Variants in SH3PXD2A observed in about 807,000 individuals in gnomAD.
SH3PXD2A encodes SH3 and PX domains 2A, also known as SH3 and PX domain-containing protein 2A.
A neutral mutation model predicts 115.2 loss-of-function variants in SH3PXD2A; 32 were observed. The ratio of observed to expected loss-of-function variants is 0.28; its 90% CI spans 0.21 to 0.37. The LOEUF (loss-of-function observed/expected upper bound fraction) is 0.37. Among genes scored for constraint, SH3PXD2A ranks in the 10% least tolerant of loss-of-function variants. SH3PXD2A has a pLI of 1.00. For synonymous variants in SH3PXD2A, 610 were observed against 629.1 expected (o/e 0.97, Z 0.45); for missense variants, 1,328 against 1,498.7 (o/e 0.89, Z 1.88).
intron 8 of SH3PXD2A, among the ~76,000 whole-genome samples, chr10:103,640,925 G>C (rs561912812): frequency 6.6e-6 from 1 of 152,218 alleles, no homozygotes; most frequent in East Asian, 1.9e-4. Context: ...GGGCTACAGG[G>C]AAGCACTGAC....
rs2036253957 is a variant in SH3PXD2A, at chr10:103,603,583, C to G, written c.1635G>C (p.Gln545His). 6.2e-7 allele frequency: 1 copy of G among 1,608,334 alleles called. No individual in the cohort carries two copies. The highest frequency in any genetic ancestry group is 1.3e-5 in the African/African-American group (1 of 74,794). Residue 545 changes from glutamine to histidine, a missense_variant, in exon 15 of 15, where the codon CAG becomes CAC. Around this residue, in one of 5 missense-constraint regions of SH3PXD2A, gnomAD observed 509 missense variants for 628.3 expected, o/e 0.81. Transcript: ENST00000369774. ...CATACTTGAGCTTCCGCGGGGAGTC[C>G]TGGCTCTCACTGGCCCCCGTAGGGC... ...EEGPTGASES[Q>H]DSPRKLKYEE...
intron 1 of SH3PXD2A, among the ~76,000 whole-genome samples, chr10:103,810,948 G>GCA (rs1459501583): frequency 0.023 from 99 of 4,266 alleles, no homozygotes; most frequent in African/African-American, 0.07. Context: ...ACAGGCGCGC[G>GCA]CGCGCACACA....
intron 9 of SH3PXD2A, among the ~76,000 whole-genome samples, chr10:103,626,046 T>TGAA: frequency 6.6e-6 from 1 of 152,348 alleles, no homozygotes; most frequent in East Asian, 1.9e-4. Flanking sequence ...GCCCCAGGGC[T>TGAA]CAGGGAGCAG....
intron 3 of SH3PXD2A, among the ~76,000 whole-genome samples, chr10:103,766,858 CAG>C (rs529666588): frequency 9.4e-4 from 143 of 152,324 alleles, no homozygotes; most frequent in African/African-American, 2.8e-3. Context: ...AGAAACTCCT[CAG>C]AAGCTACAGG....
At chr10:103,681,264 C>T (rs574519728) in intron 6 of SH3PXD2A, among the ~76,000 whole-genome samples, 4 of 152,192 alleles carry the variant, frequency 2.6e-5, no homozygotes, top group Non-Finnish European at 4.4e-5. Flanking sequence ...TTCCTGCCCC[C>T]GTAGCCCACC....
chr10:103,830,722 A>G (rs182852487), intron 1 of SH3PXD2A, among the ~76,000 whole-genome samples: 2 of 152,320 alleles, frequency 1.3e-5, no homozygotes, highest in East Asian at 3.9e-4. Flanking sequence ...GTAAAAAGGG[A>G]GATTACCAAA....
At chr10:103,700,834 GA>G (rs2037884431) in intron 5 of SH3PXD2A, among the ~76,000 whole-genome samples, 1 of 152,186 alleles carries the variant, frequency 6.6e-6, no homozygotes, top group Non-Finnish European at 1.5e-5. Context: ...GGAACCATGG[GA>G]GGGGGAGTGA....
At chr10:103,804,117 T>G (rs1198797494) in intron 1 of SH3PXD2A, among the ~76,000 whole-genome samples, 1 of 151,928 alleles carries the variant, frequency 6.6e-6, no homozygotes, top group Admixed American at 6.6e-5. Context: ...GAGAACAGAT[T>G]GTAAATGTTT....
chr10:103,724,216 T>G, intron 5 of SH3PXD2A, 54 bp downstream of exon 5: 3 of 989,476 alleles, frequency 3.0e-6, no homozygotes, highest in Non-Finnish European at 4.3e-6. Context: ...AGGCTGGCCA[T>G]TGCTTTAGCC....
At chr10:103,661,726 G>A in intron 7 of SH3PXD2A, 4 of 985,400 alleles carry the variant, frequency 4.1e-6, no homozygotes, top group Non-Finnish European at 4.8e-6. Flanking sequence ...CCCAGGCGAG[G>A]AGTCAAGAGG....
chr10:103,658,305 C>T (rs1484874085), intron 8 of SH3PXD2A, among the ~76,000 whole-genome samples: 1 of 152,234 alleles, frequency 6.6e-6, no homozygotes, highest in Non-Finnish European at 1.5e-5. Context: ...CAAGGCAAGG[C>T]CCAGGGAGGT....
intron 1 of SH3PXD2A, among the ~76,000 whole-genome samples, chr10:103,816,997 ATTTTTTT>A (rs56260224): frequency 9.0e-5 from 9 of 99,606 alleles, no homozygotes; most frequent in East Asian, 3.2e-4. Flanking sequence ...CACCCGGCTA[ATTTTTTT>A]TTTTTTTTTT....
rs148772488 is a variant in SH3PXD2A, at chr10:103,734,242, C to T, written c.306+1490G>A. Reference sequence around the variant, plus strand: ...ATACCTTATTTGCCACATTATAACACATTATACCACATCTTCTCAAGATTT... The same window carrying T: ...ATACCTTATTTGCCACATTATAACATATTATACCACATCTTCTCAAGATTT... On this transcript the variant is annotated intron_variant, in intron 4 of 14. Coordinates refer to ENST00000369774, the MANE Select transcript of SH3PXD2A (RefSeq NM_001394015.1). Among the ~76,000 whole-genome samples the T allele has an allele frequency of 2.0e-3, 308 of 152,260 alleles. 2 individuals are homozygous for T. The highest frequency in any genetic ancestry group is 7.1e-3 in the African/African-American group (297 of 41,554).
At chr10:103,758,260 G>A (rs1372790581) in intron 3 of SH3PXD2A, among the ~76,000 whole-genome samples, 5 of 152,132 alleles carry the variant, frequency 3.3e-5, no homozygotes, top group East Asian at 1.9e-4. Context: ...AACATATACC[G>A]GTGGTCCGAC....
At chr10:103,630,103 A>C (rs747752358) in intron 8 of SH3PXD2A, among the ~76,000 whole-genome samples, 1 of 152,240 alleles carries the variant, frequency 6.6e-6, no homozygotes, top group Non-Finnish European at 1.5e-5. Flanking sequence ...TGGAGCACTG[A>C]GAGGGCTGCC....
chr10:103,638,975 G>A (rs147057394), intron 8 of SH3PXD2A, among the ~76,000 whole-genome samples: 162 of 152,312 alleles, frequency 1.1e-3, no homozygotes, highest in Non-Finnish European at 1.7e-3. Flanking sequence ...TCTGTGCCTG[G>A]CACGGGTGGG....
chr10:103,728,377 T>A (rs1233326259), intron 4 of SH3PXD2A, among the ~76,000 whole-genome samples: 3 of 152,206 alleles, frequency 2.0e-5, no homozygotes, highest in South Asian at 2.1e-4. Flanking sequence ...TTGTCATTCT[T>A]TAGGAGAAAG....
chr10:103,825,264 T>C (rs1461664283), intron 1 of SH3PXD2A, among the ~76,000 whole-genome samples: 1 of 151,962 alleles, frequency 6.6e-6, no homozygotes, highest in Non-Finnish European at 1.5e-5. Context: ...AACCTCCTGC[T>C]GCCTACACTT....
At chr10:103,820,154 C>T (rs760867771) in intron 1 of SH3PXD2A, among the ~76,000 whole-genome samples, 1 of 152,176 alleles carries the variant, frequency 6.6e-6, no homozygotes, top group South Asian at 2.1e-4. Context: ...TCCCAGGCAC[C>T]GGATCTGAGA....
Sources: allele counts gnomAD v4.1 joint callset (sites outside exome capture counted in the v4.1 genomes callset), GRCh38; gene constraint gnomAD v4.1.1; regional missense constraint gnomAD v4.1.1; transcripts MANE v1.5; gene names NCBI Gene and HGNC (gene_info 2026-07-23, HGNC 2026-07-21).